QTGAL: variants seen among roughly 807,000 people sequenced by gnomAD.
QTGAL encodes the protein queuosine-tRNA galactosyltransferase.
the QTGAL span, among the ~76,000 whole-genome samples, chr17:83,015,895 C>T: frequency 6.6e-6 from 1 of 152,332 alleles, no homozygotes; most frequent in Middle Eastern, 3.4e-3. This position sits in a 1 kb window ranked among gnomAD's most constrained non-coding sequence, Gnocchi z 4.4. Flanking sequence ...AAAACATTGT[C>T]TTCCACAAAA....
chr17:83,038,584 C>T, the QTGAL span, among the ~76,000 whole-genome samples: 8 of 152,170 alleles, frequency 5.3e-5, no homozygotes, highest in South Asian at 4.1e-4. Flanking sequence ...TTAGGCCGGG[C>T]GCAGTGTTTC....
the QTGAL span, among the ~76,000 whole-genome samples, chr17:83,041,969 T>A: frequency 1.3e-5 from 2 of 152,176 alleles, no homozygotes; most frequent in South Asian, 4.1e-4. Flanking sequence ...CAGGAACTCA[T>A]AGAGAAAGAA....
At chr17:83,045,010 A>G in the QTGAL span, among the ~76,000 whole-genome samples, 1,520 of 152,330 alleles carry the variant, frequency 1.0e-2, 20 homozygotes, top group African/African-American at 0.034. Flanking sequence ...ACTCATAGAT[A>G]ATATGATCTT....
At chr17:83,051,049 AG>A in the QTGAL span, among the ~76,000 whole-genome samples, 6 of 137,374 alleles carry the variant, frequency 4.4e-5, no homozygotes, top group East Asian at 1.3e-3. Context: ...GGGCACGGGG[AG>A]GTGTGCAGAC....
the QTGAL span, chr17:83,051,678 G>A: frequency 1.7e-5 from 23 of 1,390,666 alleles, no homozygotes; most frequent in Non-Finnish European, 2.2e-5. Flanking sequence ...TGGAGGGCGG[G>A]GTGAGGGGAC....
At chr17:82,990,024 T>TCAC in the QTGAL span, among the ~76,000 whole-genome samples, 1 of 152,194 alleles carries the variant, frequency 6.6e-6, no homozygotes, top group East Asian at 1.9e-4. Context: ...GAGAATGAGC[T>TCAC]CACATTCATC....
the QTGAL span, among the ~76,000 whole-genome samples, chr17:83,018,612 G>A: frequency 6.6e-6 from 1 of 152,176 alleles, no homozygotes; most frequent in African/African-American, 2.4e-5. Context: ...GGTTAAAATT[G>A]GATAGAACGC....
chr17:83,051,451 C>T, the QTGAL span, among the ~76,000 whole-genome samples: 4 of 152,128 alleles, frequency 2.6e-5, no homozygotes, highest in African/African-American at 9.7e-5. Flanking sequence ...AAAATCAGAA[C>T]GAGGAAGGTC....
chr17:83,013,050 G>A, the QTGAL span, among the ~76,000 whole-genome samples: 1 of 152,150 alleles, frequency 6.6e-6, no homozygotes, highest in East Asian at 1.9e-4. Context: ...ACTCTCACAC[G>A]TATTTGTGGT....
the QTGAL span, among the ~76,000 whole-genome samples, chr17:82,953,373 A>C: frequency 1.3e-5 from 2 of 152,208 alleles, no homozygotes; most frequent in Non-Finnish European, 2.9e-5. Context: ...CCATCAGAGA[A>C]TACTATAAAC....
the QTGAL span, among the ~76,000 whole-genome samples, chr17:83,010,354 G>A: frequency 1.3e-5 from 2 of 152,196 alleles, no homozygotes; most frequent in Admixed American, 6.5e-5. Context: ...GGAGGCAGCC[G>A]TCCAGTGTGA....
At chr17:82,976,261 T>C in the QTGAL span, among the ~76,000 whole-genome samples, 2 of 90,014 alleles carry the variant, frequency 2.2e-5, no homozygotes, top group Non-Finnish European at 4.1e-5. Context: ...AGGCCACTTA[T>C]GGGGAAACAG....
the QTGAL span, chr17:82,965,573 G>A: frequency 7.4e-7 from 1 of 1,358,360 alleles, no homozygotes; most frequent in Non-Finnish European, 1.0e-6. Flanking sequence ...GCGGAGGGTG[G>A]CCAGTGTGCA....
chr17:82,981,233 T>C, the QTGAL span: 2 of 152,212 alleles, frequency 1.3e-5, no homozygotes, highest in Non-Finnish European at 2.9e-5. Flanking sequence ...GGGTTTAGGG[T>C]GACCCACTCC....
the QTGAL span, among the ~76,000 whole-genome samples, chr17:82,961,569 G>C: frequency 6.6e-6 from 1 of 152,210 alleles, no homozygotes; most frequent in African/African-American, 2.4e-5. Context: ...CCTGCCAGTG[G>C]CTGCAGCCCC....
the QTGAL span, among the ~76,000 whole-genome samples, chr17:83,042,435 T>G: frequency 1.3e-5 from 2 of 152,244 alleles, no homozygotes; most frequent in African/African-American, 4.8e-5. Flanking sequence ...AATTTATGAA[T>G]TTATGTTAAT....
At chr17:83,005,110 G>A in the QTGAL span, 13 of 1,597,264 alleles carry the variant, frequency 8.1e-6, no homozygotes, top group Non-Finnish European at 1.0e-5. This position sits in a 1 kb window ranked among gnomAD's most constrained non-coding sequence, Gnocchi z 5.6. Flanking sequence ...CGCCAGGCGA[G>A]GTACCTGGGT....
chr17:83,017,743 G>T, the QTGAL span, among the ~76,000 whole-genome samples: 1 of 152,200 alleles, frequency 6.6e-6, no homozygotes, highest in African/African-American at 2.4e-5. Context: ...CCTGCATCGA[G>T]TACCACATGT....
At chr17:83,007,112 C>G in the QTGAL span, 1 of 718,606 alleles carries the variant, frequency 1.4e-6, no homozygotes, top group Non-Finnish European at 1.7e-6. Context: ...AGTGAAATGT[C>G]TTTTCATGTA....
Sources: gnomAD v4.1 joint callset for allele counts (sites outside exome capture counted in the v4.1 genomes callset) on GRCh38, gnomAD v4.1.1 for gene constraint, Gnocchi (gnomAD v3.1) non-coding constraint, MANE v1.5 for transcripts, NCBI Gene and HGNC (gene_info 2026-07-23, HGNC 2026-07-21) for gene names.